SNRNP35: variants seen among roughly 807,000 people sequenced by gnomAD.
The protein encoded by SNRNP35 is U11/U12 small nuclear ribonucleoprotein 35 kDa protein.
Under a neutral mutation model 24.3 loss-of-function variants are expected in SNRNP35, and 16 were observed. That is an observed-to-expected ratio of 0.66 (90% CI 0.45 to 1.00). The LOEUF (loss-of-function observed/expected upper bound fraction) is 1.00. Ranked by LOEUF, SNRNP35 falls within the 50% of genes least tolerant of loss-of-function variation. The pLI is 0.00. For synonymous variants in SNRNP35, 106 were observed against 124.8 expected (o/e 0.85, Z 1.00); for missense variants, 292 against 327.2 (o/e 0.89, Z 0.83).
rs1364296905 is a variant in SNRNP35 at position 123,465,663 on chromosome 12, C to T, written c.123C>T (p.Pro41=). Residue 41 remains proline (P), a synonymous_variant, in exon 2 of 2, where the codon CCC becomes CCT. Transcript: ENST00000526639. The surrounding 1 kb of genome is among the most constrained non-coding windows in gnomAD (Gnocchi z 4.2). ...VWRAMLARYV[P]NKGVIGDPLL... is the part of the protein sequence containing the mutation. ...GGGCAATGCTGGCACGATATGTCCCCAACAAAGGTGTCATAGGAGATCCCC... is the reference window on the plus strand; with the variant it reads ...GGGCAATGCTGGCACGATATGTCCCTAACAAAGGTGTCATAGGAGATCCCC... 1 of 1,613,844 alleles carries T rather than the reference C, an allele frequency of 6.2e-7. No homozygotes were observed. The highest frequency in any genetic ancestry group is 1.3e-5 in the African/African-American group (1 of 74,902).
chr12:123,462,705 G>T (rs567845851), intron 1 of SNRNP35, among the ~76,000 whole-genome samples: 55 of 152,098 alleles, frequency 3.6e-4, no homozygotes, highest in African/African-American at 1.3e-3. Flanking sequence ...TGGCCAGGCT[G>T]GTCTTGAACT....
In SNRNP35 at chr12:123,466,496, A is replaced by G. The variant is rs1880991293; in HGVS notation, c.*215A>G. ...TAAGGACATGTTATTTAACAGGATC[A>G]AGAAGCAATTTTGTAGTTACTGGCA... On this transcript the variant is annotated 3_prime_UTR_variant, in exon 2 of 2. Transcript: ENST00000526639. The G allele has an allele frequency of 2.1e-6, 1 of 469,762 alleles. No homozygotes were observed. Among genetic ancestry groups the G allele is most frequent in the South Asian group, 6.1e-5 (1 of 16,270 alleles). 29.1% of individuals were successfully genotyped at this position (469,762 alleles called of 1,614,324 possible). A position where few individuals can be genotyped will look rare whatever the true frequency, so the allele number is the denominator to read the frequency against.
At chr12:123,461,040 C>T (rs1454771597) in intron 1 of SNRNP35, among the ~76,000 whole-genome samples, 7 of 148,610 alleles carry the variant, frequency 4.7e-5, no homozygotes, top group African/African-American at 1.7e-4. Context: ...GTCTCGAACT[C>T]CTGGGCTCAA....
In SNRNP35 at chr12:123,466,357, A is replaced by G; in HGVS notation, c.*76A>G. ...GGGGATTGTCTTTCAACGCAGCGTG[A>G]GTCTAATGGTTGAATAAAACTTACT... On this transcript the variant is annotated 3_prime_UTR_variant, in exon 2 of 2. Transcript: ENST00000526639. 1 of 1,399,436 alleles carries G rather than the reference A, an allele frequency of 7.1e-7. No homozygotes were observed. The highest frequency in any genetic ancestry group is 1.9e-4 in the Middle Eastern group (1 of 5,346). The allele number at this position is 1,399,436 out of a possible 1,614,324, so 86.7% of individuals were successfully genotyped here.
chr12:123,465,873 T>A lies in SNRNP35; in HGVS notation c.333T>A (p.Asp111Glu). ...EERAVIKAYRDADGLVIDQHE... is the reference protein window; with the variant it reads ...EERAVIKAYREADGLVIDQHE... ...GTGCCGTGATCAAAGCTTACCGAGATGCTGATGGCCTGGTTATTGACCAGC... is the reference window on the plus strand; with the variant it reads ...GTGCCGTGATCAAAGCTTACCGAGAAGCTGATGGCCTGGTTATTGACCAGC... Residue 111 changes from aspartate (D) to glutamate (E), a missense_variant, in exon 2 of 2, where the codon GAT becomes GAA. Asp to Glu is a conservative substitution (Grantham distance 45). Transcript: ENST00000526639. The surrounding 1 kb of genome is among the most constrained non-coding windows in gnomAD (Gnocchi z 4.2). 1 of 1,613,754 alleles carries A rather than the reference T, an allele frequency of 6.2e-7. No homozygotes were observed. The highest frequency in any genetic ancestry group is 2.2e-5 in the East Asian group (1 of 44,868).
downstream of SNRNP35, chr12:123,467,059 C>G (rs1164979943): frequency 6.6e-6 from 1 of 152,238 alleles, no homozygotes; most frequent in Non-Finnish European, 1.5e-5. Context: ...CCTAATCACA[C>G]TCCTCTGAGT....
At chr12:123,458,881 A>G (rs1289733822) in intron 1 of SNRNP35, 1 of 151,614 alleles carries the variant, frequency 6.6e-6, no homozygotes, top group East Asian at 1.9e-4. Context: ...GCCGTCAGCC[A>G]CCGTGCCCGG....
exon 2 of SNRNP35, chr12:123,472,135 CTA>C (rs765520609): frequency 2.2e-5 from 4 of 178,734 alleles, no homozygotes; most frequent in Admixed American, 1.1e-4. Flanking sequence ...TCCTGCTGAA[CTA>C]TGTCACCTGT....
At chr12:123,459,907 A>G in intron 1 of SNRNP35, 3 of 1,546,312 alleles carry the variant, frequency 1.9e-6, no homozygotes, top group Non-Finnish European at 2.7e-6. Context: ...AGCTGTTAGT[A>G]TCTATAGAAG....
intron 1 of SNRNP35, among the ~76,000 whole-genome samples, chr12:123,458,583 G>T (rs1189150877): frequency 6.7e-6 from 1 of 149,844 alleles, no homozygotes; most frequent in South Asian, 2.1e-4. Context: ...TTCACAGGAG[G>T]GGCAAAGTCT....
At position 123,465,424 on chromosome 12, in the gene SNRNP35, T is replaced by C; in HGVS notation, c.-3-114T>C. 1 of 1,295,160 alleles carries C rather than the reference T, an allele frequency of 7.7e-7. No homozygotes were observed. The highest frequency in any genetic ancestry group is 1.0e-6 in the Non-Finnish European group (1 of 972,876). The allele number at this position is 1,295,160 out of a possible 1,614,324, so 80.2% of individuals were successfully genotyped here. On this transcript the variant is annotated intron_variant, in intron 1 of 1. Transcript: ENST00000526639. The surrounding 1 kb of genome is among the most constrained non-coding windows in gnomAD (Gnocchi z 4.2). ...TAGCCTCTGTGGGTGTTCCCTTCCT[T>C]TCCTGTTTTTAAGAAGAGGTGAATG...
chr12:123,467,672 T>G (rs1881029637), downstream of SNRNP35, among the ~76,000 whole-genome samples: 1 of 152,236 alleles, frequency 6.6e-6, no homozygotes, highest in Admixed American at 6.5e-5. Flanking sequence ...GTACCATTGC[T>G]AGGTTTTCGC....
intron 1 of SNRNP35, among the ~76,000 whole-genome samples, chr12:123,461,282 A>ATTTTTTT (rs71088913): frequency 1.5e-5 from 2 of 131,204 alleles, no homozygotes; most frequent in Non-Finnish European, 1.6e-5. Context: ...CGCCTGGCTA[A>ATTTTTTT]TTTTTTTTTT....
exon 2 of SNRNP35, chr12:123,472,980 G>A: frequency 3.5e-6 from 1 of 286,424 alleles, no homozygotes; most frequent in East Asian, 6.6e-5. Context: ...CCCGTTACCA[G>A]TGGAAATCAA....
intron 1 of SNRNP35, among the ~76,000 whole-genome samples, chr12:123,463,434 G>C (rs1880743321): frequency 6.6e-6 from 1 of 151,682 alleles, no homozygotes; most frequent in African/African-American, 2.4e-5. Context: ...CTGGAGTGCG[G>C]TGATGCGACC....
chr12:123,472,385 G>T, exon 2 of SNRNP35: 1 of 751,672 alleles, frequency 1.3e-6, no homozygotes, highest in Non-Finnish European at 2.1e-6. Context: ...GTTTTTCAAT[G>T]TCCATCCTCA....
At chr12:123,471,298 C>G (rs11507744), downstream of SNRNP35, 1 of 151,920 alleles carries the variant, frequency 6.6e-6, no homozygotes, top group South Asian at 2.1e-4. Flanking sequence ...TCTCGAACTC[C>G]GGACCTCAAG....
At chr12:123,463,364 G>GTT (rs902246012) in intron 1 of SNRNP35, among the ~76,000 whole-genome samples, 1 of 146,730 alleles carries the variant, frequency 6.8e-6, no homozygotes, top group African/African-American at 2.5e-5. Context: ...AACAGGTCAA[G>GTT]TTTTTTTTTT....
chr12:123,459,909 C>G (rs746255609), intron 1 of SNRNP35: 75 of 1,534,130 alleles, frequency 4.9e-5, no homozygotes, highest in African/African-American at 6.8e-5. Flanking sequence ...CTGTTAGTAT[C>G]TATAGAAGCA....
Sources: gnomAD v4.1 joint callset for allele counts (sites outside exome capture counted in the v4.1 genomes callset) on GRCh38, gnomAD v4.1.1 for gene constraint, Gnocchi (gnomAD v3.1) non-coding constraint, MANE v1.5 for transcripts, NCBI Gene and HGNC (gene_info 2026-07-23, HGNC 2026-07-21) for gene names.